The following HEATR5A variants were observed in gnomAD, a reference collection of about 807,000 sequenced individuals.
HEATR5A encodes HEAT repeat containing 5A, also known as HEAT repeat-containing protein 5A.
HEATR5A carries 178 observed loss-of-function variants against 218.8 expected under a neutral mutation model. The ratio of observed to expected loss-of-function variants is 0.81; its 90% CI spans 0.72 to 0.92. The LOEUF (loss-of-function observed/expected upper bound fraction) is 0.92, where lower values mean the gene tolerates loss of function less well. Among genes scored for constraint, HEATR5A ranks in the 40% least tolerant of loss-of-function variants. HEATR5A has a pLI of 0.00. For synonymous variants in HEATR5A, 864 were observed against 871.6 expected, an observed-to-expected ratio of 0.99 and a Z score of 0.15; for missense variants, 2,420 against 2,418.9, an observed-to-expected ratio of 1.00 and a Z score of -0.01.
intron 11 of HEATR5A, among the ~76,000 whole-genome samples, chr14:31,379,964 T>C (rs2029917053): frequency 1.3e-5 from 2 of 151,974 alleles, no homozygotes. Context: ...TCTCAAAAAT[T>C]TAGAGGATAT....
At chr14:31,370,035 G>C (rs1901975334) in intron 13 of HEATR5A, among the ~76,000 whole-genome samples, 1 of 151,762 alleles carries the variant, frequency 6.6e-6, no homozygotes, top group Non-Finnish European at 1.5e-5. Context: ...GACCATCCTG[G>C]CTAACACGGT....
At position 31,291,971 on chromosome 14, in the gene HEATR5A, G is replaced by T. The variant is rs150851644; in HGVS notation, c.*1334C>A. 40 of 152,136 alleles carry T rather than the reference G, an allele frequency of 2.6e-4. No homozygotes were observed. Among genetic ancestry groups the T allele is most frequent in the Non-Finnish European group, 4.1e-4 (28 of 67,996 alleles). 9.4% of individuals were successfully genotyped at this position (152,136 alleles called of 1,614,324 possible). A position where few individuals can be genotyped will look rare whatever the true frequency, so the allele number is the denominator to read the frequency against. On this transcript the variant is annotated 3_prime_UTR_variant, in exon 36 of 36. Coordinates refer to ENST00000543095, the MANE Select transcript of HEATR5A (RefSeq NM_015473.4). ...AATTCTGACATGCTTCTATCACTTC[G>T]GTTTGTAATTTTTAAGAGGGAAATG...
intron 4 of HEATR5A, 85 bp downstream of exon 4, chr14:31,398,588 T>C (rs2030748790): frequency 2.9e-6 from 2 of 688,902 alleles, no homozygotes; most frequent in Admixed American, 2.6e-5. Flanking sequence ...GCTTGACATA[T>C]GTAAAGCTCT....
At chr14:31,336,217 CATATATATATATATATATATATAT>C (rs3033610) in intron 22 of HEATR5A, among the ~76,000 whole-genome samples, 11 of 38,212 alleles carry the variant, frequency 2.9e-4, no homozygotes, top group African/African-American at 6.1e-4. Flanking sequence ...TACATACATA[CATATATATATATATATATATATAT>C]ATATATATAT....
intron 21 of HEATR5A, among the ~76,000 whole-genome samples, chr14:31,337,939 T>C (rs989761617): frequency 6.6e-6 from 1 of 152,214 alleles, no homozygotes; most frequent in African/African-American, 2.4e-5. Flanking sequence ...GGAAAGGATT[T>C]AGTTGCAGTT....
At chr14:31,345,947 A>C (rs993162019) in intron 19 of HEATR5A, among the ~76,000 whole-genome samples, 1 of 152,168 alleles carries the variant, frequency 6.6e-6, no homozygotes, top group Non-Finnish European at 1.5e-5. Flanking sequence ...TAAATGAAAA[A>C]AGACTGGTCA....
intron 10 of HEATR5A, among the ~76,000 whole-genome samples, chr14:31,381,105 G>A (rs974287912): frequency 1.3e-4 from 19 of 151,992 alleles, no homozygotes; most frequent in South Asian, 4.1e-4. Context: ...AAAATTAGCC[G>A]GGCGTGGTGG....
chr14:31,393,347 A>C (rs2030526275), intron 6 of HEATR5A, among the ~76,000 whole-genome samples: 1 of 152,128 alleles, frequency 6.6e-6, no homozygotes, highest in South Asian at 2.1e-4. Context: ...CCATCTCCAC[A>C]AAAAATATAA....
intron 4 of HEATR5A, among the ~76,000 whole-genome samples, chr14:31,397,730 C>T (rs957022027): frequency 6.6e-6 from 1 of 151,352 alleles, no homozygotes; most frequent in African/African-American, 2.4e-5. Flanking sequence ...ATGACCATAG[C>T]TCACGACAGC....
At position 31,342,552 on chromosome 14, in the gene HEATR5A, T is replaced by C. The variant is rs566438020; in HGVS notation, c.3228+1344A>G. ...TTACAAGCAGCATTTTGTGTAATCCTCATGTTTTGCAGACAAGGTAGCTGA... is the reference window on the plus strand; with the variant it reads ...TTACAAGCAGCATTTTGTGTAATCCCCATGTTTTGCAGACAAGGTAGCTGA... On this transcript the variant is annotated intron_variant, in intron 21 of 35. Transcript: ENST00000543095. Among the ~76,000 whole-genome samples the C allele has an allele frequency of 2.6e-5, 4 of 152,294 alleles. No homozygotes were observed. The South Asian group carries it at 6.2e-4, about 24-fold the overall frequency.
intron 1 of HEATR5A, 127 bp from the exon 2 acceptor site, chr14:31,403,176 G>A (rs2030939706): frequency 8.3e-6 from 4 of 482,948 alleles, no homozygotes; most frequent in Middle Eastern, 5.4e-4. Flanking sequence ...GGTGAATCTG[G>A]GAAAATCCCA....
intron 21 of HEATR5A, among the ~76,000 whole-genome samples, chr14:31,341,664 G>A (rs528629711): frequency 6.6e-5 from 10 of 152,148 alleles, no homozygotes; most frequent in African/African-American, 1.9e-4. Flanking sequence ...CTCCCAAAGC[G>A]CTGGAACTAC....
At chr14:31,375,760 A>G (rs979843147) in intron 11 of HEATR5A, among the ~76,000 whole-genome samples, 2 of 152,202 alleles carry the variant, frequency 1.3e-5, no homozygotes, top group African/African-American at 4.8e-5. Flanking sequence ...AATCAGATAC[A>G]AAATGTCTGA....
At chr14:31,329,323 G>C (rs992814967) in intron 22 of HEATR5A, among the ~76,000 whole-genome samples, 1 of 152,190 alleles carries the variant, frequency 6.6e-6, no homozygotes. Flanking sequence ...ATAGTCCAAA[G>C]TCTCATCTGA....
At chr14:31,299,945 A>G (rs953476414) in intron 33 of HEATR5A, among the ~76,000 whole-genome samples, 2 of 151,758 alleles carry the variant, frequency 1.3e-5, no homozygotes, top group Admixed American at 6.6e-5. Flanking sequence ...CTGAGGCAGG[A>G]GAATCACTTG....
intron 1 of HEATR5A, among the ~76,000 whole-genome samples, chr14:31,415,099 A>C (rs1440045412): frequency 2.0e-5 from 3 of 152,138 alleles, no homozygotes; most frequent in Non-Finnish European, 4.4e-5. Context: ...TGGCCTCCCA[A>C]AGTGCTGGGA....
chr14:31,417,549 A>T (rs1439990438), intron 1 of HEATR5A, among the ~76,000 whole-genome samples: 1 of 151,414 alleles, frequency 6.6e-6, no homozygotes. Flanking sequence ...GCGCCACTGC[A>T]CTCTAGCCTG....
At chr14:31,311,548 A>T (rs1899753097) in intron 28 of HEATR5A, among the ~76,000 whole-genome samples, 1 of 152,038 alleles carries the variant, frequency 6.6e-6, no homozygotes, top group South Asian at 2.1e-4. Flanking sequence ...AGTAGCTGGG[A>T]CTATAGGTGT....
intron 24 of HEATR5A, among the ~76,000 whole-genome samples, chr14:31,322,528 A>G (rs1171042035): frequency 6.6e-6 from 1 of 152,190 alleles, no homozygotes; most frequent in African/African-American, 2.4e-5. Context: ...ATTTAGAAAT[A>G]TGCACTGTGG....
Sources: allele counts gnomAD v4.1 joint callset (sites outside exome capture counted in the v4.1 genomes callset), GRCh38; gene constraint gnomAD v4.1.1; transcripts MANE v1.5; gene names NCBI Gene and HGNC (gene_info 2026-07-23, HGNC 2026-07-21).